Variants in XRCC2 observed in about 807,000 individuals in gnomAD.
XRCC2 encodes DNA repair protein XRCC2.
In XRCC2, 24 loss-of-function variants were observed where a neutral mutation model predicts 27.3. The observed-to-expected ratio is 0.88, with a 90% CI of 0.64 to 1.24. The LOEUF (loss-of-function observed/expected upper bound fraction) is 1.24. Among genes scored for constraint, XRCC2 ranks in the 50% most tolerant of loss-of-function variants. The pLI, the probability that XRCC2 is intolerant of heterozygous loss-of-function variation, is 0.00. For synonymous variants in XRCC2, 106 were observed against 115.4 expected (o/e 0.92, Z 0.52); for missense variants, 321 against 325.8 (o/e 0.99, Z 0.11).
In XRCC2 at chr7:152,660,773, G is replaced by C; in HGVS notation, c.49C>G (p.Arg17Gly). The C allele has an allele frequency of 6.2e-7, 1 of 1,611,720 alleles. No homozygotes were observed. ...TTCAAGGAACTTCTACCTTCAAGTC[G>C]GGCAAGGAGCTTATAAAAGAAGAGA... is the stretch of plus-strand genomic sequence containing the variant. ...RAESGTELLA[R>G]LEGRSSLKEI... The change falls in exon 2 of 3, where the codon CGA (arginine) becomes GGA (glycine). Residue 17 changes from arginine (R) to glycine (G), a missense_variant. Coordinates refer to ENST00000359321, the MANE Select transcript of XRCC2 (RefSeq NM_005431.2).
chr7:152,661,454 A>G (rs2098033039), intron 1 of XRCC2, among the ~76,000 whole-genome samples: 1 of 152,060 alleles, frequency 6.6e-6, no homozygotes, highest in Admixed American at 6.6e-5. Context: ...TTCACTGGGG[A>G]AGGGGACAAA....
At chr7:152,668,274 A>G (rs866206042) in intron 1 of XRCC2, among the ~76,000 whole-genome samples, 1 of 152,118 alleles carries the variant, frequency 6.6e-6, no homozygotes. Flanking sequence ...CAGCATATCC[A>G]TGCTGTACAC....
chr7:152,671,191 G>A (rs185701527), intron 1 of XRCC2, among the ~76,000 whole-genome samples: 1 of 152,114 alleles, frequency 6.6e-6, no homozygotes, highest in African/African-American at 2.4e-5. Flanking sequence ...CTCCAGCCTG[G>A]GCGACAGAGT....
At chr7:152,650,099 C>T (rs530688642) in intron 2 of XRCC2, among the ~76,000 whole-genome samples, 5 of 152,344 alleles carry the variant, frequency 3.3e-5, no homozygotes, top group East Asian at 3.9e-4. Context: ...TTCTATGACA[C>T]GCAGGTGAAG....
At chr7:152,660,569 GT>G (rs1590134201) in intron 2 of XRCC2, 131 bp downstream of exon 2, 1 of 678,360 alleles carries the variant, frequency 1.5e-6, no homozygotes, top group East Asian at 3.0e-5. Context: ...GTCACAACCT[GT>G]GTCTCATTTT....
intron 2 of XRCC2, among the ~76,000 whole-genome samples, chr7:152,659,335 T>C (rs1232810645): frequency 2.0e-5 from 3 of 152,056 alleles, no homozygotes; most frequent in Admixed American, 6.6e-5. Flanking sequence ...ACAATAACAG[T>C]TGGATACTTC....
chr7:152,667,428 A>AAAAAAAAAAAAAAG (rs1563032964), intron 1 of XRCC2, among the ~76,000 whole-genome samples: 1 of 77,926 alleles, frequency 1.3e-5, no homozygotes, highest in African/African-American at 5.1e-5. Flanking sequence ...AAAAAAAAAG[A>AAAAAAAAAAAAAAG]AAAAAAGTAT....
chr7:152,676,100 G>A lies in XRCC2; in HGVS notation c.-21C>T, dbSNP rs753535808. On this transcript the variant is annotated 5_prime_UTR_variant, in exon 1 of 3. Coordinates refer to ENST00000359321, the MANE Select transcript of XRCC2 (RefSeq NM_005431.2). ...CACATCGCCCCGAAGGCTCGGCGCA[G>A]GAGAGACTCAACTTTCCCGCCACCA... is the stretch of plus-strand genomic sequence containing the variant. 3.5e-5 allele frequency: 57 copies of A among 1,613,574 alleles called. 2 individuals are homozygous for A. The South Asian group carries it at 5.9e-4, about 17-fold the overall frequency.
chr7:152,649,087 A>G lies in XRCC2; in HGVS notation c.398T>C (p.Leu133Pro), dbSNP rs765276614. The change falls in exon 3 of 3, where the codon CTA becomes CCA. Residue 133 changes from leucine to proline, a missense_variant. Leu to Pro is a moderately conservative substitution (Grantham distance 98, BLOSUM62 -3). Coordinates refer to ENST00000359321, the MANE Select transcript of XRCC2 (RefSeq NM_005431.2). ...TGGGTGACTACAAAACATACTTTCT[A>G]GTGAGTAAAGTGTAAGAAGTAAGTG... ...STHLLLTLYS[L>P]ESMFCSHPSL... 3 of 1,614,074 alleles carry G rather than the reference A, an allele frequency of 1.9e-6. No individual in the cohort carries two copies. Among genetic ancestry groups the G allele is most frequent in the Non-Finnish European group, 2.5e-6 (3 of 1,180,040 alleles).
intron 1 of XRCC2, among the ~76,000 whole-genome samples, chr7:152,666,504 G>A (rs1316292740): frequency 1.3e-5 from 2 of 151,948 alleles, no homozygotes; most frequent in African/African-American, 2.4e-5. Flanking sequence ...GAGCCACCAT[G>A]CCCAGTGGAA....
intron 2 of XRCC2, among the ~76,000 whole-genome samples, chr7:152,651,792 G>A (rs2098028637): frequency 6.6e-6 from 1 of 151,828 alleles, no homozygotes; most frequent in Non-Finnish European, 1.5e-5. Context: ...GGGATTACAG[G>A]CATGAGCCAC....
At chr7:152,675,057 C>T (rs2098040326) in intron 1 of XRCC2, among the ~76,000 whole-genome samples, 1 of 151,908 alleles carries the variant, frequency 6.6e-6, no homozygotes, top group African/African-American at 2.4e-5. Flanking sequence ...TTTGAGATTG[C>T]TTCCTCTCTC....
At chr7:152,660,612 T>G in intron 2 of XRCC2, 89 bp downstream of exon 2, 2 of 1,069,674 alleles carry the variant, frequency 1.9e-6, no homozygotes, top group South Asian at 3.1e-5. Flanking sequence ...TATAAACTCT[T>G]GTGAGGAGTA....
rs1429955014 is a variant in XRCC2, at chr7:152,646,415, T to A, written c.*2227A>T. ...CAGTATCTGGTTTTCTGTTCCTATG[T>A]TAGTTTGCTAAGGATAATAGCGTCC... On this transcript the variant is annotated 3_prime_UTR_variant, in exon 3 of 3. Transcript: ENST00000359321. 3 of 152,068 alleles carry A rather than the reference T, an allele frequency of 2.0e-5. No homozygotes were observed. The highest frequency in any genetic ancestry group is 2.9e-5 in the Non-Finnish European group (2 of 68,050). 9.4% of individuals were successfully genotyped at this position (152,068 alleles called of 1,614,324 possible).
chr7:152,657,719 G>A (rs1256748847), intron 2 of XRCC2, among the ~76,000 whole-genome samples: 1 of 152,176 alleles, frequency 6.6e-6, no homozygotes, highest in Non-Finnish European at 1.5e-5. Flanking sequence ...ACAAAATATG[G>A]AAATTAAGTT....
chr7:152,651,201 A>C (rs544641781), intron 2 of XRCC2, among the ~76,000 whole-genome samples: 1 of 152,022 alleles, frequency 6.6e-6, no homozygotes, highest in South Asian at 2.1e-4. Context: ...CGGCCTCCCA[A>C]AGTGCTGGGA....
chr7:152,669,036 A>G (rs2098037138), intron 1 of XRCC2, among the ~76,000 whole-genome samples: 1 of 152,180 alleles, frequency 6.6e-6, no homozygotes, highest in Non-Finnish European at 1.5e-5. Flanking sequence ...TATCACTGAG[A>G]CTAATCAAAT....
At chr7:152,653,877 G>T (rs2098029569) in intron 2 of XRCC2, among the ~76,000 whole-genome samples, 1 of 152,108 alleles carries the variant, frequency 6.6e-6, no homozygotes, top group South Asian at 2.1e-4. Context: ...AAATGAAAAT[G>T]TCCTACAGCC....
At position 152,648,904 on chromosome 7, in the gene XRCC2, G is replaced by A. The variant is rs775565256; in HGVS notation, c.581C>T (p.Thr194Met). ...VNDYRLVLFA[T>M]TQTIMQKASS... ...GGCTTTCTGCATTATAGTTTGTGTC[G>A]TTGCAAAAAGAACCAGGCGATAGTC... Residue 194 changes from threonine to methionine, a missense_variant, in exon 3 of 3, where the codon ACG (threonine) becomes ATG (methionine). Transcript: ENST00000359321. The A allele has an allele frequency of 1.4e-5, 23 of 1,613,938 alleles. No individual in the cohort carries two copies. The highest frequency in any genetic ancestry group is 8.9e-5 in the East Asian group (4 of 44,892).
Sources: allele counts gnomAD v4.1 joint callset (sites outside exome capture counted in the v4.1 genomes callset), GRCh38; gene constraint gnomAD v4.1.1; transcripts MANE v1.5; gene names NCBI Gene and HGNC (gene_info 2026-07-23, HGNC 2026-07-21).